ANKS1B: variants seen among roughly 807,000 people sequenced by gnomAD.
ANKS1B encodes ankyrin repeat and sterile alpha motif domain containing 1B.
In ANKS1B, 36 loss-of-function variants were observed where a neutral mutation model predicts 148.3. The ratio of observed to expected loss-of-function variants is 0.24; its 90% CI spans 0.19 to 0.32. ANKS1B has a LOEUF of 0.32. Ranked by LOEUF, ANKS1B falls within the 10% of genes least tolerant of loss-of-function variation. The probability of loss-of-function intolerance (pLI) is 1.00; values close to 1 mark genes in which losing one functional copy is unlikely to be tolerated. For synonymous variants in ANKS1B, 542 were observed against 560.8 expected, an observed-to-expected ratio of 0.97 and a Z score of 0.47; for missense variants, 1,157 against 1,542.6, an observed-to-expected ratio of 0.75 and a Z score of 4.19.
chr12:99,345,675 C>T lies in ANKS1B; in HGVS notation c.1756+53956G>A, dbSNP rs116261009. 5.9e-3 allele frequency among the ~76,000 whole-genome samples: 893 copies of T among 151,862 alleles called. 6 individuals carry two copies. The highest frequency in any genetic ancestry group is 0.021 in the African/African-American group (860 of 41,432). On this transcript the variant is annotated intron_variant, in intron 12 of 26. Transcript: ENST00000683438. ...TTAGTGAAAATAGTGTCTGTGGGTT[C>T]CTATGGTGGGGATAGGGAAGAACAT...
At chr12:99,858,794 T>C (rs1447752384) in intron 1 of ANKS1B, among the ~76,000 whole-genome samples, 1 of 152,076 alleles carries the variant, frequency 6.6e-6, no homozygotes, top group Non-Finnish European at 1.5e-5. Context: ...CCAGACACTA[T>C]ATGTTCTCAT....
intron 1 of ANKS1B, among the ~76,000 whole-genome samples, chr12:99,837,047 CG>C (rs1435431956): frequency 1.3e-5 from 2 of 152,054 alleles, no homozygotes; most frequent in Non-Finnish European, 2.9e-5. Flanking sequence ...GGCTTTATCC[CG>C]GATTACCCAG....
chr12:99,900,505 C>CAAAAAAAAAAAAAAAAAAAAAAAAAAAA (rs71303560), intron 1 of ANKS1B, among the ~76,000 whole-genome samples: 1 of 70,736 alleles, frequency 1.4e-5, no homozygotes. Context: ...GACTCCATCT[C>CAAAAAAAAAAAAAAAAAAAAAAAAAAAA]AAAAAAAAAA....
intron 12 of ANKS1B, among the ~76,000 whole-genome samples, chr12:99,380,728 T>A (rs899028153): frequency 2.0e-5 from 3 of 151,950 alleles, no homozygotes; most frequent in African/African-American, 7.3e-5. Context: ...ATTTTCAGAT[T>A]AATTCTTGTT....
At chr12:99,704,571 T>C (rs574429470) in intron 8 of ANKS1B, among the ~76,000 whole-genome samples, 6 of 150,962 alleles carry the variant, frequency 4.0e-5, no homozygotes, top group South Asian at 2.1e-4. Context: ...CACATACATA[T>C]ACACACACAC....
intron 14 of ANKS1B, among the ~76,000 whole-genome samples, chr12:99,189,798 T>C (rs1195487397): frequency 6.6e-6 from 1 of 152,158 alleles, no homozygotes; most frequent in Non-Finnish European, 1.5e-5. Flanking sequence ...GGATGCCCTC[T>C]CTCACCACTC....
chr12:98,849,390 T>C (rs977049119), intron 17 of ANKS1B, among the ~76,000 whole-genome samples: 2 of 152,200 alleles, frequency 1.3e-5, no homozygotes, highest in Non-Finnish European at 2.9e-5. Flanking sequence ...TCCTTAGCTG[T>C]AGTGTCTCTT....
intron 11 of ANKS1B, among the ~76,000 whole-genome samples, chr12:99,418,237 T>C (rs2094966399): frequency 6.6e-6 from 1 of 152,196 alleles, no homozygotes; most frequent in Non-Finnish European, 1.5e-5. Flanking sequence ...CAATGGTTAA[T>C]AGACATCTAT....
intron 14 of ANKS1B, among the ~76,000 whole-genome samples, chr12:99,191,526 G>A (rs1042124671): frequency 6.6e-6 from 1 of 152,182 alleles, no homozygotes; most frequent in Non-Finnish European, 1.5e-5. Context: ...TAAAAAGGAT[G>A]AGTTCATGTC....
chr12:99,094,305 G>C (rs548031702), intron 15 of ANKS1B, among the ~76,000 whole-genome samples: 6 of 152,238 alleles, frequency 3.9e-5, no homozygotes, highest in Non-Finnish European at 8.8e-5. Flanking sequence ...TATTAGTAGG[G>C]ACTATTAAGC....
rs532809071 is a variant in ANKS1B, at chr12:99,256,075, C to A, written c.1757-9211G>T. 1.1e-4 allele frequency among the ~76,000 whole-genome samples: 16 copies of A among 151,736 alleles called. No individual in the cohort carries two copies. The South Asian group carries it at 2.7e-3, about 26-fold the overall frequency. On this transcript the variant is annotated intron_variant, in intron 12 of 26. Transcript: ENST00000683438. ...ATTATATCTGGCCAACATGGTGAAA[C>A]CCTGTCTATACTAAAAATACAAAAA...
intron 9 of ANKS1B, among the ~76,000 whole-genome samples, chr12:99,524,552 T>C (rs1596336428): frequency 6.6e-6 from 1 of 152,202 alleles, no homozygotes; most frequent in Admixed American, 6.5e-5. Context: ...TGACTGGCTG[T>C]CACTGGTTTT....
chr12:99,607,540 T>C (rs1447551342), intron 9 of ANKS1B, among the ~76,000 whole-genome samples: 1 of 152,080 alleles, frequency 6.6e-6, no homozygotes, highest in African/African-American at 2.4e-5. Context: ...TTATATTTAA[T>C]GACATAATCA....
chr12:99,546,102 T>C (rs986750190), intron 9 of ANKS1B, among the ~76,000 whole-genome samples: 2 of 152,062 alleles, frequency 1.3e-5, no homozygotes, highest in Admixed American at 1.3e-4. Flanking sequence ...AAATAGAAGA[T>C]TAATAAAATG....
At chr12:99,548,046 T>G (rs2097186689) in intron 9 of ANKS1B, among the ~76,000 whole-genome samples, 1 of 152,154 alleles carries the variant, frequency 6.6e-6, no homozygotes, top group African/African-American at 2.4e-5. Flanking sequence ...GCAATAAAAT[T>G]TGTGTTAATT....
intron 20 of ANKS1B, among the ~76,000 whole-genome samples, chr12:98,803,726 T>C (rs1433554545): frequency 6.6e-6 from 1 of 151,972 alleles, no homozygotes; most frequent in Non-Finnish European, 1.5e-5. Flanking sequence ...TGGGAATGAG[T>C]TGGGGGAAGC....
chr12:99,113,724 C>T (rs1432656259), intron 15 of ANKS1B, among the ~76,000 whole-genome samples: 1 of 152,172 alleles, frequency 6.6e-6, no homozygotes, highest in African/African-American at 2.4e-5. Context: ...CTAGTAGACT[C>T]TCAGAGAAGG....
At chr12:99,114,706 C>A (rs118016700) in intron 15 of ANKS1B, among the ~76,000 whole-genome samples, 2 of 151,672 alleles carry the variant, frequency 1.3e-5, no homozygotes, top group African/African-American at 4.8e-5. Context: ...GAGCCGAGAC[C>A]GTACCACTGT....
chr12:98,946,189 A>G (rs541575552), intron 17 of ANKS1B, among the ~76,000 whole-genome samples: 1 of 152,290 alleles, frequency 6.6e-6, no homozygotes, highest in Admixed American at 6.5e-5. Context: ...TCCTTAAGTG[A>G]AAGTCTCAAA....
Sources: allele counts gnomAD v4.1 joint callset (sites outside exome capture counted in the v4.1 genomes callset), GRCh38; gene constraint gnomAD v4.1.1; transcripts MANE v1.5; gene names NCBI Gene and HGNC (gene_info 2026-07-23, HGNC 2026-07-21).